Variants in COL6A6 observed in about 807,000 individuals in gnomAD.
The protein encoded by COL6A6 is collagen alpha-6(VI) chain.
Under a neutral mutation model 208.6 loss-of-function variants are expected in COL6A6, and 183 were observed. That is an observed-to-expected ratio of 0.88 (90% CI 0.78 to 0.99). The LOEUF (loss-of-function observed/expected upper bound fraction) is 0.99. COL6A6 is among the 50% of genes least tolerant of loss of function. COL6A6 has a pLI of 0.00. For missense variants in COL6A6, 2,816 were observed against 2,815.2 expected (o/e 1.00, Z -0.01); for synonymous variants, 973 against 1,011.8 (o/e 0.96, Z 0.73).
At chr3:130,671,769 A>G (rs936902206) in intron 36 of COL6A6, among the ~76,000 whole-genome samples, 3 of 152,210 alleles carry the variant, frequency 2.0e-5, no homozygotes, top group Non-Finnish European at 2.9e-5. Flanking sequence ...TCAGATAGAA[A>G]AGGAAGGAGC....
At chr3:130,546,424 A>G (rs561774793) in intron 1 of COL6A6, among the ~76,000 whole-genome samples, 12 of 152,310 alleles carry the variant, frequency 7.9e-5, no homozygotes, top group Middle Eastern at 3.4e-3. Context: ...AAGGCAGTGC[A>G]GACCCAAAGA....
At chr3:130,621,297 G>C (rs962023234) in intron 23 of COL6A6, among the ~76,000 whole-genome samples, 1 of 152,032 alleles carries the variant, frequency 6.6e-6, no homozygotes, top group African/African-American at 2.4e-5. Flanking sequence ...TTATCACTAG[G>C]AAAGAGAAAA....
intron 23 of COL6A6, among the ~76,000 whole-genome samples, chr3:130,621,059 A>G (rs1189929847): frequency 1.3e-5 from 2 of 152,208 alleles, no homozygotes; most frequent in Non-Finnish European, 2.9e-5. Context: ...CCAATGAAAC[A>G]TGCCTTCTAG....
At chr3:130,560,086 C>T (rs2062848071) in intron 1 of COL6A6, among the ~76,000 whole-genome samples, 1 of 152,140 alleles carries the variant, frequency 6.6e-6, no homozygotes, top group South Asian at 2.1e-4. Context: ...CCATCTGGCT[C>T]CTTCTACCAA....
At chr3:130,671,807 A>T (rs1275699674) in intron 36 of COL6A6, among the ~76,000 whole-genome samples, 1 of 152,194 alleles carries the variant, frequency 6.6e-6, no homozygotes, top group Non-Finnish European at 1.5e-5. Context: ...TACCAAGGAG[A>T]CAGGTGGCCC....
At chr3:130,618,475 C>T (rs1272927766) in intron 23 of COL6A6, among the ~76,000 whole-genome samples, 1 of 152,178 alleles carries the variant, frequency 6.6e-6, no homozygotes, top group Non-Finnish European at 1.5e-5. Context: ...CCTTTAAATG[C>T]CCTAAGCTTC....
intron 32 of COL6A6, among the ~76,000 whole-genome samples, chr3:130,647,365 C>T (rs1354069813): frequency 2.0e-5 from 3 of 152,144 alleles, no homozygotes; most frequent in African/African-American, 7.2e-5. Context: ...TAAATTGTAT[C>T]TGAAGCATTT....
intron 34 of COL6A6, among the ~76,000 whole-genome samples, chr3:130,660,373 T>C (rs961268828): frequency 1.3e-5 from 2 of 152,248 alleles, no homozygotes; most frequent in Non-Finnish European, 2.9e-5. Flanking sequence ...CACATCTTTA[T>C]TGAGTCCATG....
chr3:130,613,508 T>C (rs187220512), intron 23 of COL6A6, among the ~76,000 whole-genome samples: 1 of 152,334 alleles, frequency 6.6e-6, no homozygotes, highest in East Asian at 1.9e-4. Flanking sequence ...TCTTCTTTGG[T>C]TCTGTATAAT....
chr3:130,588,869 A>C (rs1418864700), intron 11 of COL6A6, among the ~76,000 whole-genome samples: 2 of 150,944 alleles, frequency 1.3e-5, no homozygotes, highest in Admixed American at 1.3e-4. Context: ...GTTGATTTGG[A>C]ATACCTGAAA....
At chr3:130,671,306 C>CT (rs1440092750) in intron 36 of COL6A6, among the ~76,000 whole-genome samples, 1 of 152,140 alleles carries the variant, frequency 6.6e-6, no homozygotes, top group African/African-American at 2.4e-5. Flanking sequence ...TCCTACCATG[C>CT]TTTATGTTTG....
intron 1 of COL6A6, among the ~76,000 whole-genome samples, chr3:130,534,116 G>A (rs144772177): frequency 8.8e-4 from 134 of 152,258 alleles, no homozygotes; most frequent in South Asian, 3.1e-3. Flanking sequence ...CAAAGTGAGT[G>A]CATCAAATTA....
At chr3:130,606,145 TC>T (rs2064176838) in intron 20 of COL6A6, among the ~76,000 whole-genome samples, 3 of 152,218 alleles carry the variant, frequency 2.0e-5, no homozygotes, top group South Asian at 4.1e-4. Context: ...TCAAGACAAT[TC>T]CGATTTTATT....
chr3:130,580,805 T>A (rs1410425763), intron 8 of COL6A6, among the ~76,000 whole-genome samples: 4 of 152,218 alleles, frequency 2.6e-5, no homozygotes, highest in Admixed American at 2.6e-4. Context: ...TTAATAAGAA[T>A]AAGAGCAAAG....
chr3:130,635,605 T>C, intron 27 of COL6A6, 94 bp from the exon 28 acceptor site: 1 of 822,890 alleles, frequency 1.2e-6, no homozygotes, highest in Non-Finnish European at 1.9e-6. Context: ...ATACGAAAAA[T>C]GTCTTCATGT....
chr3:130,550,490 T>A, intron 1 of COL6A6, among the ~76,000 whole-genome samples: 1 of 152,158 alleles, frequency 6.6e-6, no homozygotes, highest in East Asian at 1.9e-4. Flanking sequence ...GATAAAGACA[T>A]GCCTGAGACT....
chr3:130,610,629 CT>C lies in COL6A6; in HGVS notation c.4753-17del. 6.4e-7 allele frequency: 1 copy of C among 1,554,844 alleles called. No individual in the cohort carries two copies. On this transcript the variant is annotated intron_variant, in intron 22 of 36. Coordinates refer to ENST00000358511, the MANE Select transcript of COL6A6 (RefSeq NM_001102608.3). The stretch of plus-strand genomic sequence containing the variant: ...GTTCTCTTTTAGGCAAAAAATAATG[CT>C]TTAATTCTATGTACTTAGGGCCCAA...
At chr3:130,593,579 A>G (rs1159648319) in intron 17 of COL6A6, among the ~76,000 whole-genome samples, 1 of 152,204 alleles carries the variant, frequency 6.6e-6, no homozygotes, top group Non-Finnish European at 1.5e-5. Flanking sequence ...GAAACATACT[A>G]GAACTCTCAG....
chr3:130,590,320 T>A (rs1160931355), intron 12 of COL6A6, among the ~76,000 whole-genome samples: 32 of 101,974 alleles, frequency 3.1e-4, no homozygotes, highest in Non-Finnish European at 4.4e-4. Flanking sequence ...TTTTTTTTTT[T>A]TTTTTTTTTA....
Sources: gnomAD v4.1 joint callset for allele counts (sites outside exome capture counted in the v4.1 genomes callset) on GRCh38, gnomAD v4.1.1 for gene constraint, MANE v1.5 for transcripts, NCBI Gene and HGNC (gene_info 2026-07-23, HGNC 2026-07-21) for gene names.